Variants in PHKB observed in about 807,000 individuals in gnomAD.
PHKB encodes the protein phosphorylase b kinase regulatory subunit beta.
In PHKB, 122 loss-of-function variants were observed where a neutral mutation model predicts 152.1. The ratio of observed to expected loss-of-function variants is 0.80; its 90% confidence interval spans 0.69 to 0.93. PHKB has a LOEUF of 0.93. Among genes scored for constraint, PHKB ranks in the 40% least tolerant of loss-of-function variants. PHKB has a pLI of 0.00. For missense variants in PHKB, 1,304 were observed against 1,328.4 expected, an observed-to-expected ratio of 0.98 and a Z score of 0.29; for synonymous variants, 436 against 464.9, an observed-to-expected ratio of 0.94 and a Z score of 0.80.
At chr16:47,569,506 C>A (rs999636512) in intron 7 of PHKB, among the ~76,000 whole-genome samples, 2 of 152,202 alleles carry the variant, frequency 1.3e-5, no homozygotes, top group South Asian at 2.1e-4. Context: ...CATTTACATT[C>A]GAAAATAGTA....
At chr16:47,615,960 G>A (rs991522151) in intron 14 of PHKB, among the ~76,000 whole-genome samples, 1 of 152,166 alleles carries the variant, frequency 6.6e-6, no homozygotes, top group Non-Finnish European at 1.5e-5. Context: ...CAATGAAATG[G>A]TTTTTAGTAT....
At chr16:47,569,953 A>C (rs918562164) in intron 7 of PHKB, among the ~76,000 whole-genome samples, 3 of 152,180 alleles carry the variant, frequency 2.0e-5, no homozygotes, top group Non-Finnish European at 4.4e-5. Context: ...TTAGAACTCC[A>C]TTGAGCATTT....
intron 6 of PHKB, among the ~76,000 whole-genome samples, chr16:47,542,353 G>C (rs1046429598): frequency 6.6e-6 from 1 of 151,996 alleles, no homozygotes; most frequent in Non-Finnish European, 1.5e-5. Flanking sequence ...TGTTCCAGTG[G>C]TGTCTATCTC....
intron 7 of PHKB, among the ~76,000 whole-genome samples, chr16:47,555,046 T>A (rs1048559878): frequency 7.9e-5 from 12 of 152,226 alleles, no homozygotes; most frequent in African/African-American, 2.9e-4. Context: ...AAGAAAGCCA[T>A]CACTAAAATA....
chr16:47,513,654 T>C (rs1970547460), intron 5 of PHKB, among the ~76,000 whole-genome samples: 1 of 152,106 alleles, frequency 6.6e-6, no homozygotes, highest in Non-Finnish European at 1.5e-5. Flanking sequence ...CATCTATTAC[T>C]CAGTTGGGCT....
chr16:47,696,566 T>A, intron 29 of PHKB, 78 bp downstream of exon 29: 5 of 818,134 alleles, frequency 6.1e-6, no homozygotes, highest in Non-Finnish European at 1.1e-5. Flanking sequence ...GGAAACTGCC[T>A]ATGAGACCCA....
chr16:47,464,162 G>T, intron 1 of PHKB: 1 of 640,356 alleles, frequency 1.6e-6, no homozygotes, highest in Non-Finnish European at 2.8e-6. Flanking sequence ...TTTGAATGTG[G>T]CCTATTGTGT....
chr16:47,615,574 T>C (rs1972500374), intron 14 of PHKB, among the ~76,000 whole-genome samples: 1 of 152,230 alleles, frequency 6.6e-6, no homozygotes, highest in South Asian at 2.1e-4. Context: ...TCTATGCCTA[T>C]TGGTTATTTC....
At chr16:47,683,166 C>G (rs1227897142) in intron 26 of PHKB, among the ~76,000 whole-genome samples, 1 of 152,196 alleles carries the variant, frequency 6.6e-6, no homozygotes, top group East Asian at 1.9e-4. Context: ...AGGTGTCAGT[C>G]TGCCCCTACT....
chr16:47,625,539 CT>C (rs1972694853), intron 14 of PHKB, among the ~76,000 whole-genome samples: 2 of 152,074 alleles, frequency 1.3e-5, no homozygotes, highest in South Asian at 4.1e-4. Context: ...TCCTCAGGGC[CT>C]TTGCACACTC....
intron 6 of PHKB, among the ~76,000 whole-genome samples, chr16:47,537,558 T>C (rs1970973131): frequency 6.6e-6 from 1 of 152,338 alleles, no homozygotes; most frequent in South Asian, 2.1e-4. Context: ...CATAAGTGAC[T>C]CCATTCTGGT....
At chr16:47,692,056 T>A (rs927757277) in intron 27 of PHKB, among the ~76,000 whole-genome samples, 13 of 152,214 alleles carry the variant, frequency 8.5e-5, no homozygotes, top group African/African-American at 3.1e-4. Context: ...GTTTGAGCTT[T>A]GTCACTTTGG....
intron 26 of PHKB, chr16:47,676,082 G>C (rs1342006888): frequency 6.6e-6 from 1 of 152,166 alleles, no homozygotes; most frequent in African/African-American, 2.4e-5. Context: ...TACATACTCA[G>C]TATGTTTCTT....
chr16:47,544,204 C>T (rs994136565), intron 6 of PHKB, among the ~76,000 whole-genome samples: 27 of 152,048 alleles, frequency 1.8e-4, no homozygotes, highest in African/African-American at 5.8e-4. Flanking sequence ...GGATCTTTCC[C>T]AGTTTCTCCG....
At chr16:47,538,899 C>T (rs1971001625) in intron 6 of PHKB, among the ~76,000 whole-genome samples, 1 of 152,126 alleles carries the variant, frequency 6.6e-6, no homozygotes, top group African/African-American at 2.4e-5. Flanking sequence ...AAAGTATATA[C>T]ATTATATTAA....
At chr16:47,561,916 C>A (rs994324712) in intron 7 of PHKB, 2 of 152,108 alleles carry the variant, frequency 1.3e-5, no homozygotes, top group African/African-American at 4.8e-5. Context: ...CTGAAGATAC[C>A]TTCTGTTGAG....
chr16:47,686,016 C>T (rs955896805), intron 26 of PHKB, among the ~76,000 whole-genome samples: 9 of 151,994 alleles, frequency 5.9e-5, no homozygotes, highest in South Asian at 2.1e-4. Context: ...CTGGGATTAC[C>T]GGCATGAGCC....
intron 14 of PHKB, among the ~76,000 whole-genome samples, chr16:47,632,361 G>C (rs1428898947): frequency 6.6e-6 from 1 of 152,134 alleles, no homozygotes; most frequent in Non-Finnish European, 1.5e-5. Flanking sequence ...AGTACATATG[G>C]TACATCTACA....
intron 8 of PHKB, among the ~76,000 whole-genome samples, chr16:47,581,239 G>A (rs928248153): frequency 3.3e-5 from 5 of 152,166 alleles, no homozygotes; most frequent in Admixed American, 2.6e-4. Flanking sequence ...TTTAATTGTA[G>A]TATATTAATG....
Sources: gnomAD v4.1 joint callset for allele counts (sites outside exome capture counted in the v4.1 genomes callset) on GRCh38, gnomAD v4.1.1 for gene constraint, MANE v1.5 for transcripts, NCBI Gene and HGNC (gene_info 2026-07-23, HGNC 2026-07-21) for gene names.